Variants in CRB1 observed in about 807,000 individuals in gnomAD.
CRB1 encodes the protein crumbs cell polarity complex component 1.
Under a neutral mutation model 120.0 loss-of-function variants are expected in CRB1, and 83 were observed. The ratio of observed to expected loss-of-function variants is 0.69; its 90% confidence interval spans 0.58 to 0.83. The LOEUF (loss-of-function observed/expected upper bound fraction) is 0.83. Ranked by LOEUF, CRB1 falls within the 40% of genes least tolerant of loss-of-function variation. The pLI, the probability that CRB1 is intolerant of heterozygous loss-of-function variation, is 0.00. For synonymous variants in CRB1, 625 were observed against 612.5 expected, an observed-to-expected ratio of 1.02 and a Z score of -0.30; for missense variants, 1,699 against 1,687.6, an observed-to-expected ratio of 1.01 and a Z score of -0.12.
At chr1:197,444,822 T>C (rs1665621304) in intron 11 of CRB1, 1 of 152,146 alleles carries the variant, frequency 6.6e-6, no homozygotes, top group Non-Finnish European at 1.5e-5. Context: ...TGTTTCTGTA[T>C]CTTCTCTTTC....
At chr1:197,384,313 C>T (rs1282906554) in intron 5 of CRB1, among the ~76,000 whole-genome samples, 1 of 152,088 alleles carries the variant, frequency 6.6e-6, no homozygotes, top group African/African-American at 2.4e-5. Context: ...CCACCAGGCT[C>T]CAAACACTCC....
intron 1 of CRB1, among the ~76,000 whole-genome samples, chr1:197,297,324 T>C (rs1488149712): frequency 2.0e-5 from 3 of 152,062 alleles, no homozygotes; most frequent in Non-Finnish European, 4.4e-5. Context: ...ATTATACATA[T>C]ATTAGTTGTC....
the CRB1 span, among the ~76,000 whole-genome samples, chr1:197,231,765 A>G: frequency 4.6e-5 from 7 of 152,200 alleles, no homozygotes; most frequent in South Asian, 1.4e-3. Context: ...GTTTGCAATC[A>G]GGAACATTTT....
chr1:197,288,012 G>A (rs1013319157), intron 1 of CRB1, among the ~76,000 whole-genome samples: 1 of 151,806 alleles, frequency 6.6e-6, no homozygotes, highest in Non-Finnish European at 1.5e-5. Context: ...TTACTACCAT[G>A]AGAGAGTTTC....
intron 1 of CRB1, among the ~76,000 whole-genome samples, chr1:197,300,921 T>A (rs551905603): frequency 1.3e-5 from 2 of 152,228 alleles, no homozygotes; most frequent in South Asian, 2.1e-4. Context: ...ATCTACTATG[T>A]CTGTGCTCCA....
intron 5 of CRB1, among the ~76,000 whole-genome samples, chr1:197,411,879 G>A (rs1225230900): frequency 6.6e-6 from 1 of 152,096 alleles, no homozygotes; most frequent in East Asian, 1.9e-4. Flanking sequence ...CAGATGTTAA[G>A]CCTAGTACCC....
chr1:197,239,413 A>G, the CRB1 span, among the ~76,000 whole-genome samples: 1 of 152,126 alleles, frequency 6.6e-6, no homozygotes, highest in African/African-American at 2.4e-5. Flanking sequence ...TCTTGGGGAC[A>G]TACCTATTTA....
chr1:197,222,380 C>T, the CRB1 span: 2 of 763,336 alleles, frequency 2.6e-6, no homozygotes, highest in African/African-American at 3.4e-5. Flanking sequence ...TGAAGGAAAA[C>T]CTTTCTTGGC....
chr1:197,474,692 A>G (rs1396157349), intron 11 of CRB1, among the ~76,000 whole-genome samples: 3 of 152,186 alleles, frequency 2.0e-5, no homozygotes, highest in Non-Finnish European at 4.4e-5. Flanking sequence ...AAAGTTTAGA[A>G]AACAGAGACA....
Position 197,427,873 on chromosome 1 carries a change from G to C in CRB1, c.2548G>C (p.Gly850Arg). 6.2e-7 allele frequency: 1 copy of C among 1,614,014 alleles called. No homozygotes were observed. The highest frequency in any genetic ancestry group is 8.5e-7 in the Non-Finnish European group (1 of 1,179,986). ...ETELNGGFFK[G>R]CIQDVRLNNQ... ...TGAACTTAATGGTGGATTCTTCAAA[G>C]GCTGTATCCAAGATGTAAGACTAAA... Residue 850 changes from glycine to arginine, a missense_variant, in exon 7 of 12, where the codon GGC becomes CGC. By Grantham distance (125) the Gly-to-Arg change is moderately radical. Coordinates refer to ENST00000367400, the MANE Select transcript of CRB1 (RefSeq NM_201253.3).
At chr1:197,389,296 T>C (rs1662373568) in intron 5 of CRB1, among the ~76,000 whole-genome samples, 1 of 152,126 alleles carries the variant, frequency 6.6e-6, no homozygotes, top group South Asian at 2.1e-4. Context: ...AAACAAAATA[T>C]GATATATATG....
At chr1:197,394,493 A>C (rs1029522274) in intron 5 of CRB1, among the ~76,000 whole-genome samples, 1 of 152,180 alleles carries the variant, frequency 6.6e-6, no homozygotes, top group East Asian at 1.9e-4. Context: ...TCAAGGGTCA[A>C]CTGTATACCT....
intron 5 of CRB1, among the ~76,000 whole-genome samples, chr1:197,416,390 C>T (rs1202695492): frequency 6.6e-6 from 1 of 152,146 alleles, no homozygotes; most frequent in Non-Finnish European, 1.5e-5. Flanking sequence ...ATATTATCGA[C>T]ATCTGCTGGG....
chr1:197,267,880 A>C (rs960781371), upstream of CRB1, among the ~76,000 whole-genome samples: 1 of 152,158 alleles, frequency 6.6e-6, no homozygotes, highest in Admixed American at 6.5e-5. Context: ...GTCTTGGCCC[A>C]ACTTACAAAC....
chr1:197,388,677 C>A (rs1662343046), intron 5 of CRB1, among the ~76,000 whole-genome samples: 1 of 152,012 alleles, frequency 6.6e-6, no homozygotes, highest in Non-Finnish European at 1.5e-5. Flanking sequence ...ATGTAGAAAT[C>A]AATCACACAT....
intron 1 of CRB1, among the ~76,000 whole-genome samples, chr1:197,273,588 C>CATTT (rs1351930848): frequency 6.6e-6 from 1 of 152,068 alleles, no homozygotes; most frequent in African/African-American, 2.4e-5. Context: ...TCTTCTCTTT[C>CATTT]ATTTATTTAT....
the CRB1 span, chr1:197,222,314 G>T: frequency 2.0e-5 from 14 of 701,762 alleles, no homozygotes; most frequent in Non-Finnish European, 3.0e-5. Flanking sequence ...ATGGAAATTG[G>T]CCTATACCGG....
the CRB1 span, among the ~76,000 whole-genome samples, chr1:197,208,782 A>G: frequency 1.3e-5 from 2 of 152,222 alleles, no homozygotes; most frequent in African/African-American, 2.4e-5. Flanking sequence ...TAGATGAGCC[A>G]TAGAGCTCCC....
chr1:197,234,072 G>A, the CRB1 span, among the ~76,000 whole-genome samples: 1 of 152,192 alleles, frequency 6.6e-6, no homozygotes, highest in Non-Finnish European at 1.5e-5. Flanking sequence ...AGCACAAGGA[G>A]GTAGTGTAGG....
Sources: allele counts gnomAD v4.1 joint callset (sites outside exome capture counted in the v4.1 genomes callset), GRCh38; gene constraint gnomAD v4.1.1; transcripts MANE v1.5; gene names NCBI Gene and HGNC (gene_info 2026-07-23, HGNC 2026-07-21).